Variants in DOCK11 observed in about 807,000 individuals in gnomAD.
DOCK11 encodes dedicator of cytokinesis 11.
In DOCK11, 70 loss-of-function variants were observed where a neutral mutation model predicts 169.1. That is an observed-to-expected ratio of 0.41 (90% CI 0.34 to 0.51). DOCK11 has a LOEUF of 0.51. Ranked by LOEUF, DOCK11 falls within the 20% of genes least tolerant of loss-of-function variation. DOCK11 has a pLI of 0.10. For synonymous variants in DOCK11, 529 were observed against 541.3 expected (o/e 0.98, Z 0.32); for missense variants, 1,166 against 1,538.8 (o/e 0.76, Z 4.05).
chrX:118,612,812 G>A (rs995044632), intron 28 of DOCK11, among the ~76,000 whole-genome samples: 2 of 112,031 alleles, frequency 1.8e-5, no homozygotes, highest in South Asian at 7.4e-4. Flanking sequence ...GATGTATGGA[G>A]AAAGAGCTGG....
intron 45 of DOCK11, among the ~76,000 whole-genome samples, chrX:118,667,422 GTT>G (rs72150871): frequency 8.7e-4 from 85 of 98,118 alleles, no homozygotes; most frequent in Middle Eastern, 0.01. Flanking sequence ...TTTTAAGACA[GTT>G]TTTTTTTTTT....
intron 32 of DOCK11, among the ~76,000 whole-genome samples, chrX:118,625,887 A>T (rs1271286597): frequency 3.6e-5 from 4 of 110,644 alleles, no homozygotes; most frequent in African/African-American, 1.3e-4. Context: ...AATAATTTAA[A>T]CATTCCTTCT....
chrX:118,659,622 A>G (rs780766853), intron 44 of DOCK11, among the ~76,000 whole-genome samples: 2 of 112,150 alleles, frequency 1.8e-5, no homozygotes, highest in South Asian at 3.7e-4. Context: ...CTGGGTAGAG[A>G]TCCATTATCA....
rs144065062 is a variant in DOCK11 at position 118,524,730 on chromosome X, T to C, written c.103-17995T>C. Reference sequence around the variant, plus strand: ...GGTTGTTATTCAAAAAACTGGAAAATAAGTGTTGAGGAACACGGGCGGGGC... The same window carrying C: ...GGTTGTTATTCAAAAAACTGGAAAACAAGTGTTGAGGAACACGGGCGGGGC... On this transcript the variant is annotated intron_variant, in intron 1 of 52. Transcript: ENST00000276202. 3.1e-3 allele frequency among the ~76,000 whole-genome samples: 344 copies of C among 111,298 alleles called. 2 individuals are homozygous for C. Among genetic ancestry groups the C allele is most frequent in the African/African-American group, 0.011 (328 of 30,621 alleles).
At chrX:118,641,403 G>A in intron 39 of DOCK11, 98 bp downstream of exon 39, 1 of 599,579 alleles carries the variant, frequency 1.7e-6, no homozygotes, top group South Asian at 2.9e-5. Flanking sequence ...AAAAAGGCTG[G>A]CATGAATAGT....
chrX:118,621,688 C>CA (rs1348362764), intron 31 of DOCK11, among the ~76,000 whole-genome samples: 1 of 110,930 alleles, frequency 9.0e-6, no homozygotes, highest in Non-Finnish European at 1.9e-5. Context: ...GACTGGAGTA[C>CA]AGTGGCACAA....
intron 28 of DOCK11, among the ~76,000 whole-genome samples, chrX:118,613,395 C>T (rs1019615601): frequency 3.6e-5 from 4 of 111,749 alleles, no homozygotes; most frequent in South Asian, 3.7e-4. Context: ...TTGAATTCTT[C>T]GGATTTCACA....
chrX:118,631,092 G>A lies in DOCK11; in HGVS notation c.3886+602G>A, dbSNP rs758066562. On this transcript the variant is annotated intron_variant, in intron 35 of 52. Coordinates refer to ENST00000276202, the MANE Select transcript of DOCK11 (RefSeq NM_144658.4). ...GGACTTTCATAAACTGCATGTCCTC[G>A]GGAAGTAAAAGCAGGTTATTTCCAA... Among the ~76,000 whole-genome samples, 255 of 110,154 alleles carry A rather than the reference G, an allele frequency of 2.3e-3. 1 individual carries two copies. The highest frequency in any genetic ancestry group is 7.9e-3 in the African/African-American group (238 of 30,299).
intron 6 of DOCK11, among the ~76,000 whole-genome samples, chrX:118,560,345 T>C (rs1043557222): frequency 9.0e-6 from 1 of 111,633 alleles, no homozygotes; most frequent in Non-Finnish European, 1.9e-5. Context: ...CTCAAAATGA[T>C]CAGGGATCAT....
In DOCK11 at chrX:118,499,509, G is replaced by C. The variant is rs535162485; in HGVS notation, c.102+3436G>C. 9.8e-5 allele frequency among the ~76,000 whole-genome samples: 11 copies of C among 112,000 alleles called. No homozygotes were observed. The South Asian group carries it at 3.0e-3, about 30-fold the overall frequency. On this transcript the variant is annotated intron_variant, in intron 1 of 52. Transcript: ENST00000276202. ...TGAGAATGGCTGAAAAGCGTCTGCA[G>C]CTGTTGACTCCCCCAACCCGCCGCT...
intron 40 of DOCK11, among the ~76,000 whole-genome samples, chrX:118,643,968 T>C (rs1172983511): frequency 9.0e-6 from 1 of 111,596 alleles, no homozygotes; most frequent in Non-Finnish European, 1.9e-5. Context: ...GATCCAACTT[T>C]TGTAATCCCA....
At chrX:118,667,570 A>C (rs886716761) in intron 45 of DOCK11, among the ~76,000 whole-genome samples, 1 of 110,467 alleles carries the variant, frequency 9.1e-6, no homozygotes, top group Non-Finnish European at 1.9e-5. Flanking sequence ...CCACTGATCT[A>C]TTTGCCCATC....
At chrX:118,523,028 C>T (rs2011297078) in intron 1 of DOCK11, among the ~76,000 whole-genome samples, 1 of 112,596 alleles carries the variant, frequency 8.9e-6, no homozygotes, top group African/African-American at 3.2e-5. Flanking sequence ...TTCTCTACCT[C>T]ATACAGTCAT....
rs772548745 is a variant in DOCK11 at position 118,663,175 on chromosome X, A to G, written c.5076+383A>G. ...TCTAAACACCACATGGATAGAAAACAGCTTTGGCTGTCAGTCAACCACCAA... is the reference window on the plus strand; with the variant it reads ...TCTAAACACCACATGGATAGAAAACGGCTTTGGCTGTCAGTCAACCACCAA... On this transcript the variant is annotated intron_variant, in intron 45 of 52. Transcript: ENST00000276202. 2.7e-5 allele frequency among the ~76,000 whole-genome samples: 3 copies of G among 112,423 alleles called. No individual in the cohort carries two copies. In the East Asian group the frequency reaches 8.4e-4, roughly 31 times the overall value.
chrX:118,547,914 G>A (rs2012347152), intron 6 of DOCK11, among the ~76,000 whole-genome samples: 1 of 112,069 alleles, frequency 8.9e-6, no homozygotes, highest in Non-Finnish European at 1.9e-5. Flanking sequence ...CCAGGCAGGA[G>A]GCTCATACCT....
intron 32 of DOCK11, among the ~76,000 whole-genome samples, chrX:118,625,235 A>G (rs2015073908): frequency 9.3e-6 from 1 of 107,773 alleles, no homozygotes; most frequent in African/African-American, 3.4e-5. Context: ...GCTCACTGCA[A>G]CCTCCGCCTC....
intron 6 of DOCK11, among the ~76,000 whole-genome samples, chrX:118,549,849 C>T (rs2012431155): frequency 9.0e-6 from 1 of 110,640 alleles, no homozygotes; most frequent in African/African-American, 3.3e-5. Flanking sequence ...TTACAGGCAT[C>T]AGCCACCATG....
At chrX:118,562,521 G>A (rs2147375929) in intron 7 of DOCK11, among the ~76,000 whole-genome samples, 1 of 111,389 alleles carries the variant, frequency 9.0e-6, no homozygotes, top group South Asian at 3.8e-4. Flanking sequence ...TTGATTTATT[G>A]TCTTACAGAG....
At chrX:118,558,444 G>A (rs1015451078) in intron 6 of DOCK11, among the ~76,000 whole-genome samples, 13 of 111,733 alleles carry the variant, frequency 1.2e-4, no homozygotes, top group South Asian at 3.7e-4. Flanking sequence ...CTGTATAGTC[G>A]TTATTTTAAC....
Sources: allele counts gnomAD v4.1 joint callset (sites outside exome capture counted in the v4.1 genomes callset), GRCh38; gene constraint gnomAD v4.1.1; transcripts MANE v1.5; gene names NCBI Gene and HGNC (gene_info 2026-07-23, HGNC 2026-07-21).